EEIG2: variants seen among roughly 807,000 people sequenced by gnomAD.
The protein encoded by EEIG2 is EEIG family member 2.
chr1:108,628,462 G>A, the EEIG2 span: 1 of 1,613,986 alleles, frequency 6.2e-7, no homozygotes, highest in African/African-American at 1.3e-5. Flanking sequence ...ATACCTCAGT[G>A]GGAAGCACAT....
the EEIG2 span, among the ~76,000 whole-genome samples, chr1:108,574,933 G>A: frequency 2.6e-5 from 4 of 152,008 alleles, no homozygotes; most frequent in African/African-American, 9.7e-5. Flanking sequence ...TCATAATTTA[G>A]GAACATTTCA....
chr1:108,620,898 C>T, the EEIG2 span, among the ~76,000 whole-genome samples: 1 of 152,124 alleles, frequency 6.6e-6, no homozygotes, highest in African/African-American at 2.4e-5. Context: ...CATACAGTGT[C>T]ACTGGGGCAC....
At chr1:108,566,786 G>A in the EEIG2 span, among the ~76,000 whole-genome samples, 6 of 152,026 alleles carry the variant, frequency 3.9e-5, no homozygotes, top group Non-Finnish European at 7.4e-5. Flanking sequence ...GGCACAGAAA[G>A]GCAAATACTG....
chr1:108,607,641 T>C, the EEIG2 span, among the ~76,000 whole-genome samples: 1 of 152,160 alleles, frequency 6.6e-6, no homozygotes, highest in Non-Finnish European at 1.5e-5. Context: ...CTGGACAAGA[T>C]GGTGAGACCC....
At chr1:108,580,484 T>A in the EEIG2 span, among the ~76,000 whole-genome samples, 3 of 152,336 alleles carry the variant, frequency 2.0e-5, no homozygotes, top group South Asian at 2.1e-4. Context: ...AAAGCTGAGA[T>A]AGGCCAAAAG....
At chr1:108,619,821 C>T in the EEIG2 span, among the ~76,000 whole-genome samples, 1 of 152,212 alleles carries the variant, frequency 6.6e-6, no homozygotes, top group Non-Finnish European at 1.5e-5. Context: ...GCCCAAGAAG[C>T]TGAGGTTGCA....
chr1:108,566,159 A>G, the EEIG2 span, among the ~76,000 whole-genome samples: 2 of 152,142 alleles, frequency 1.3e-5, no homozygotes, highest in Non-Finnish European at 2.9e-5. Flanking sequence ...ATATTATTCT[A>G]TTGTATGAGT....
chr1:108,579,449 A>C, the EEIG2 span, among the ~76,000 whole-genome samples: 2 of 147,532 alleles, frequency 1.4e-5, no homozygotes, highest in African/African-American at 2.5e-5. Flanking sequence ...GCAAGTCCTG[A>C]GTGACCTACA....
the EEIG2 span, among the ~76,000 whole-genome samples, chr1:108,584,557 G>A: frequency 6.6e-6 from 1 of 152,090 alleles, no homozygotes; most frequent in Admixed American, 6.6e-5. Context: ...AAGAATAAAC[G>A]CATTTAGTGA....
chr1:108,603,250 A>G, the EEIG2 span, among the ~76,000 whole-genome samples: 17 of 152,330 alleles, frequency 1.1e-4, no homozygotes, highest in African/African-American at 3.6e-4. Context: ...TGGCAAAGAA[A>G]CTGAGCACAA....
At chr1:108,592,853 G>T in the EEIG2 span, among the ~76,000 whole-genome samples, 1 of 152,166 alleles carries the variant, frequency 6.6e-6, no homozygotes, top group African/African-American at 2.4e-5. Context: ...GATTTAAGAA[G>T]TTTGGGCTGG....
At chr1:108,580,470 G>A in the EEIG2 span, among the ~76,000 whole-genome samples, 2 of 152,236 alleles carry the variant, frequency 1.3e-5, no homozygotes, top group Non-Finnish European at 2.9e-5. Flanking sequence ...AGGAAGGCAT[G>A]TTGAAAGCTG....
At chr1:108,569,472 G>A in the EEIG2 span, among the ~76,000 whole-genome samples, 3 of 152,130 alleles carry the variant, frequency 2.0e-5, no homozygotes, top group Non-Finnish European at 2.9e-5. Context: ...GGCTACAGGT[G>A]TGTGCCACAT....
the EEIG2 span, among the ~76,000 whole-genome samples, chr1:108,610,606 T>G: frequency 6.6e-6 from 1 of 152,100 alleles, no homozygotes; most frequent in East Asian, 1.9e-4. Context: ...ATATCCAAGC[T>G]TTTTCTGCTG....
chr1:108,590,507 T>C, the EEIG2 span, among the ~76,000 whole-genome samples: 1 of 152,220 alleles, frequency 6.6e-6, no homozygotes, highest in Non-Finnish European at 1.5e-5. Context: ...TTCTGAACTC[T>C]TGTGTGTAAT....
the EEIG2 span, among the ~76,000 whole-genome samples, chr1:108,586,251 A>G: frequency 6.6e-6 from 1 of 152,096 alleles, no homozygotes; most frequent in East Asian, 1.9e-4. Flanking sequence ...CAGGAAATGC[A>G]TCATAGGAAA....
At chr1:108,599,926 G>A in the EEIG2 span, among the ~76,000 whole-genome samples, 3 of 152,314 alleles carry the variant, frequency 2.0e-5, no homozygotes, top group Non-Finnish European at 4.4e-5. Flanking sequence ...AATCCAGGAG[G>A]CGGAGGTTGC....
At chr1:108,593,974 T>C in the EEIG2 span, among the ~76,000 whole-genome samples, 1 of 151,924 alleles carries the variant, frequency 6.6e-6, no homozygotes, top group Non-Finnish European at 1.5e-5. Context: ...CTCAACTAAT[T>C]TTTATATTTT....
chr1:108,582,357 C>A, the EEIG2 span, among the ~76,000 whole-genome samples: 3 of 152,036 alleles, frequency 2.0e-5, no homozygotes, highest in Non-Finnish European at 4.4e-5. Flanking sequence ...TTCTTCACTG[C>A]AATTTTTTTA....
Sources: allele counts gnomAD v4.1 joint callset (sites outside exome capture counted in the v4.1 genomes callset), GRCh38; gene constraint gnomAD v4.1.1; transcripts MANE v1.5; gene names NCBI Gene and HGNC (gene_info 2026-07-23, HGNC 2026-07-21).